Variants in VIRMA observed in about 807,000 individuals in gnomAD.
The protein encoded by VIRMA is protein virilizer homolog.
Under a neutral mutation model 182.4 loss-of-function variants are expected in VIRMA, and 65 were observed. The ratio of observed to expected loss-of-function variants is 0.36; its 90% CI spans 0.29 to 0.44. The LOEUF is 0.44. VIRMA is among the 20% of genes least tolerant of loss of function. VIRMA has a pLI of 1.00. For synonymous variants in VIRMA, 709 were observed against 743.1 expected (o/e 0.95, Z 0.75); for missense variants, 1,752 against 2,158.1 (o/e 0.81, Z 3.73).
At chr8:94,510,695 A>G (rs1255073842) in intron 13 of VIRMA, 43 bp from the exon 14 acceptor site, 2 of 1,395,628 alleles carry the variant, frequency 1.4e-6, no homozygotes, top group Non-Finnish European at 2.0e-6. Flanking sequence ...ATTTTTTAAT[A>G]TTTATTTATA....
At position 94,488,676 on chromosome 8, in the gene VIRMA, T is replaced by C. The variant is rs774574282; in HGVS notation, c.*30A>G. 11 of 1,610,324 alleles carry C rather than the reference T, an allele frequency of 6.8e-6. No individual in the cohort carries two copies. Among genetic ancestry groups the C allele is most frequent in the South Asian group, 1.1e-5 (1 of 90,798 alleles). ...TTTTATTGTCCTCGTGAAATGTTCATATACAGTTAAGATGTTCCCAAAAGG... is the reference window on the plus strand; with the variant it reads ...TTTTATTGTCCTCGTGAAATGTTCACATACAGTTAAGATGTTCCCAAAAGG... On this transcript the variant is annotated 3_prime_UTR_variant, in exon 24 of 24. Coordinates refer to ENST00000297591, the MANE Select transcript of VIRMA (RefSeq NM_015496.5).
chr8:94,550,393 C>G (rs10441537), intron 1 of VIRMA, among the ~76,000 whole-genome samples: 6 of 151,496 alleles, frequency 4.0e-5, no homozygotes, highest in Admixed American at 3.3e-4. Flanking sequence ...CCCGGGTTCA[C>G]GCCATTCTCC....
chr8:94,546,796 T>A (rs966107156), intron 1 of VIRMA: 4 of 390,550 alleles, frequency 1.0e-5, no homozygotes, highest in African/African-American at 2.2e-5. Flanking sequence ...TTGCCTCCCA[T>A]CAACACATTC....
At chr8:94,540,471 T>C (rs913435078) in intron 2 of VIRMA, among the ~76,000 whole-genome samples, 12 of 147,742 alleles carry the variant, frequency 8.1e-5, no homozygotes, top group East Asian at 1.9e-4. Context: ...CTTTTTTTTT[T>C]TTTTTTTTTT....
chr8:94,496,731 G>A (rs556004041), intron 17 of VIRMA: 59 of 336,586 alleles, frequency 1.8e-4, no homozygotes, highest in Middle Eastern at 1.5e-3. Context: ...ACAAAATACC[G>A]AATGGCAAAA....
chr8:94,516,653 T>C (rs1000630985), intron 10 of VIRMA, among the ~76,000 whole-genome samples: 16 of 152,184 alleles, frequency 1.1e-4, no homozygotes, highest in African/African-American at 3.9e-4. Flanking sequence ...CTCAAAGATA[T>C]AAGAAATAAT....
intron 4 of VIRMA, 51 bp downstream of exon 4, chr8:94,537,052 G>C (rs3098723): frequency 0.086 from 99,258 of 1,158,720 alleles, 6,249 homozygotes; most frequent in African/African-American, 0.24. Context: ...ACTTTAAATG[G>C]AGTTGAGAGC....
chr8:94,518,187 A>G (rs1193230784), intron 9 of VIRMA, among the ~76,000 whole-genome samples: 1 of 152,236 alleles, frequency 6.6e-6, no homozygotes, highest in Admixed American at 6.5e-5. Context: ...CTATTAAGAA[A>G]TAAGATCAGA....
chr8:94,499,774 G>A (rs1194637489), intron 16 of VIRMA, among the ~76,000 whole-genome samples: 7 of 152,132 alleles, frequency 4.6e-5, no homozygotes, highest in Non-Finnish European at 1.0e-4. Flanking sequence ...GCTGGGTGTG[G>A]TGGCTCACGC....
chr8:94,498,550 G>A (rs568661979), intron 17 of VIRMA: 5 of 152,314 alleles, frequency 3.3e-5, no homozygotes. Context: ...TCATAGCTAA[G>A]TTCAGTCTCC....
Position 94,537,145 on chromosome 8 carries a change from T to TTCCAG in VIRMA, c.268_272dup (p.Glu91AspfsTer18). ...AGATGATGGAAGTATTCTCATCATA[T>TTCCAG]TCCAGGCTGTCAAGAGAGTAGAAAT... On this transcript the variant is annotated frameshift_variant, in exon 4 of 24. Transcript: ENST00000297591. LOFTEE classifies it high-confidence loss of function. 6.3e-7 allele frequency: 1 copy of TTCCAG among 1,597,348 alleles called. No individual in the cohort carries two copies. Among genetic ancestry groups the TTCCAG allele is most frequent in the Non-Finnish European group, 8.6e-7 (1 of 1,164,894 alleles).
At chr8:94,502,691 A>G (rs968139842) in intron 16 of VIRMA, among the ~76,000 whole-genome samples, 1 of 152,134 alleles carries the variant, frequency 6.6e-6, no homozygotes, top group Non-Finnish European at 1.5e-5. Context: ...TCCTTGGAGA[A>G]CAAGTCCATC....
chr8:94,534,777 A>AT (rs59429647), intron 5 of VIRMA, 62 bp downstream of exon 5: 310,490 of 1,340,046 alleles, frequency 0.23, 7,937 homozygotes, highest in East Asian at 0.36. Context: ...TCTTCGAATT[A>AT]TTTTTTTTTT....
intron 15 of VIRMA, among the ~76,000 whole-genome samples, chr8:94,507,484 G>C (rs929958050): frequency 6.6e-6 from 1 of 151,710 alleles, no homozygotes; most frequent in East Asian, 2.0e-4. Flanking sequence ...GCTCGGCACA[G>C]TGGCTCACAC....
At position 94,488,736 on chromosome 8, in the gene VIRMA, T is replaced by C; in HGVS notation, c.5409A>G (p.Arg1803=). ...RGKFVSGGSG[R]GRHVRSFTR ...GTGTAAAGGAGCGTACATGACGACC[T>C]CTACCACTGCCTCCACTAACAAACT... The change falls in exon 24 of 24, where the codon AGA becomes AGG. Residue 1803 remains arginine, a synonymous_variant. Transcript: ENST00000297591. 6.2e-7 allele frequency: 1 copy of C among 1,614,218 alleles called. No homozygotes were observed. The highest frequency in any genetic ancestry group is 8.5e-7 in the Non-Finnish European group (1 of 1,180,042).
At chr8:94,548,194 T>C (rs1563484508) in intron 1 of VIRMA, among the ~76,000 whole-genome samples, 1 of 149,966 alleles carries the variant, frequency 6.7e-6, no homozygotes, top group East Asian at 1.9e-4. Context: ...TTGTACCTCA[T>C]ACATGTATTA....
rs770933440 is a variant in VIRMA, at chr8:94,543,830, T to C, written c.176A>G (p.Tyr59Cys). 5.2e-6 allele frequency: 8 copies of C among 1,544,268 alleles called. No individual in the cohort carries two copies. In the Admixed American group the frequency reaches 1.4e-4, roughly 27 times the overall value. The change falls in exon 2 of 24, where the codon TAT becomes TGT. Residue 59 changes from tyrosine (Y) to cysteine (C), a missense_variant. Physicochemically the swap from Tyr to Cys is radical, Grantham distance 194 (BLOSUM62 -2). Transcript: ENST00000297591. ...TTTAAAAAGAGAGTTGACTTACCCA[T>C]ATGCTCTATTGTCTGGCAGACTGCT... ...AHSSLPDNRA[Y>C]GETSPHTFQL...
At chr8:94,528,995 C>G in intron 7 of VIRMA, 75 bp downstream of exon 7, 1 of 1,554,668 alleles carries the variant, frequency 6.4e-7, no homozygotes, top group Non-Finnish European at 8.7e-7. Context: ...GCTAGAAATT[C>G]TTTTGCATTT....
chr8:94,528,586 A>G (rs979173081), intron 7 of VIRMA, among the ~76,000 whole-genome samples: 3 of 152,234 alleles, frequency 2.0e-5, no homozygotes, highest in Non-Finnish European at 4.4e-5. Context: ...AAAGGACTGT[A>G]TCATACTGCC....
Sources: gnomAD v4.1 joint callset for allele counts (sites outside exome capture counted in the v4.1 genomes callset) on GRCh38, gnomAD v4.1.1 for gene constraint, MANE v1.5 for transcripts, NCBI Gene and HGNC (gene_info 2026-07-23, HGNC 2026-07-21) for gene names.